The following OGG1 variants were observed in gnomAD, a reference collection of about 807,000 sequenced individuals.
The protein encoded by OGG1 is N-glycosylase/DNA lyase.
A neutral mutation model predicts 42.3 loss-of-function variants in OGG1; 35 were observed. The observed-to-expected ratio is 0.83, with a 90% CI of 0.63 to 1.10. The LOEUF (loss-of-function observed/expected upper bound fraction) is 1.10, where lower values mean the gene tolerates loss of function less well. Among genes scored for constraint, OGG1 ranks in the 50% least tolerant of loss-of-function variants. The pLI is 0.00. For synonymous variants in OGG1, 189 were observed against 179.0 expected (o/e 1.06, Z -0.44); for missense variants, 484 against 446.7 (o/e 1.08, Z -0.75).
chr3:9,766,542 A>G (rs964599424), exon 8 of OGG1: 34 of 543,470 alleles, frequency 6.3e-5, no homozygotes, highest in South Asian at 2.4e-4. Context: ...TACTAAATCA[A>G]TCTGCAGTTT....
intron 7 of OGG1, chr3:9,765,609 C>A: frequency 1.1e-6 from 1 of 925,704 alleles, no homozygotes; most frequent in Non-Finnish European, 1.6e-6. Flanking sequence ...TCCCCACAAC[C>A]CTGCCAAGTG....
chr3:9,790,283 T>G (rs1193503858), downstream of OGG1, among the ~76,000 whole-genome samples: 1 of 152,254 alleles, frequency 6.6e-6, no homozygotes, highest in Non-Finnish European at 1.5e-5. Flanking sequence ...ATGTCACCAC[T>G]ACTGAGATGC....
Position 9,757,252 on chromosome 3 carries a change from C to G in OGG1, c.*102C>G. 2 of 1,614,086 alleles carry G rather than the reference C, an allele frequency of 1.2e-6. No individual in the cohort carries two copies. The highest frequency in any genetic ancestry group is 1.1e-5 in the South Asian group (1 of 91,068). ...AGTCTCATGTTGGGGAGGGGCCTCC[C>G]TGTGACTACCTCAAAGGCCAGGCAC... On this transcript the variant is annotated 3_prime_UTR_variant, in exon 7 of 7. Coordinates refer to ENST00000344629, the MANE Select transcript of OGG1 (RefSeq NM_002542.6). The surrounding 1 kb of genome is among the most constrained non-coding windows in gnomAD (Gnocchi z 4.5).
rs1408585874 is a variant in OGG1 at position 9,757,233 on chromosome 3, A to C, written c.*83A>C. The C allele has an allele frequency of 8.7e-6, 14 of 1,613,858 alleles. No homozygotes were observed. The highest frequency in any genetic ancestry group is 1.1e-5 in the Non-Finnish European group (13 of 1,179,882). ...TCTCTCCCCATCCCCACCCAGTCTC[A>C]TGTTGGGGAGGGGCCTCCCTGTGAC... On this transcript the variant is annotated 3_prime_UTR_variant, in exon 7 of 7. Coordinates refer to ENST00000344629, the MANE Select transcript of OGG1 (RefSeq NM_002542.6). The surrounding 1 kb of genome is among the most constrained non-coding windows in gnomAD (Gnocchi z 4.5).
intron 3 of OGG1, among the ~76,000 whole-genome samples, chr3:9,752,779 G>A (rs1011910128): frequency 2.0e-5 from 3 of 152,178 alleles, no homozygotes; most frequent in African/African-American, 7.2e-5. Flanking sequence ...GGCCGGGCGT[G>A]GTGGCTCACG....
At chr3:9,782,666 C>A (rs998261385) in intron 3 of OGG1, among the ~76,000 whole-genome samples, 1 of 152,056 alleles carries the variant, frequency 6.6e-6, no homozygotes, top group Non-Finnish European at 1.5e-5. Flanking sequence ...TAGTGCATGC[C>A]TGTAATCCCA....
exon 8 of OGG1, chr3:9,765,970 C>G: frequency 1.9e-6 from 3 of 1,614,210 alleles, no homozygotes; most frequent in Non-Finnish European, 2.5e-6. Context: ...CCTATGGGTT[C>G]TGTGACCACT....
intron 7 of OGG1, chr3:9,765,774 A>G (rs2125593286): frequency 6.2e-6 from 10 of 1,614,020 alleles, no homozygotes; most frequent in Middle Eastern, 1.7e-4. Context: ...CAGGACAGCA[A>G]TCTCATTCTC....
At chr3:9,776,386 T>G (rs1304783652) in intron 2 of OGG1, among the ~76,000 whole-genome samples, 1 of 142,266 alleles carries the variant, frequency 7.0e-6, no homozygotes, top group African/African-American at 2.6e-5. Flanking sequence ...CTTTTTTCTT[T>G]TCTTTTTTTT....
Position 9,782,452 on chromosome 3 carries a change from C to T in OGG1, c.382+852C>T, listed in dbSNP as rs531317416. 9.2e-5 allele frequency among the ~76,000 whole-genome samples: 14 copies of T among 152,322 alleles called. No homozygotes were observed. The South Asian group carries it at 2.9e-3, about 32-fold the overall frequency. On this transcript the variant is annotated intron_variant, in intron 3 of 3. Transcript: ENST00000426518. ...GAGAGTGTACATAAAGCCCCTGACA[C>T]ACAGTAGGCCCTCAGCATACATTAG...
At chr3:9,789,440 G>A, downstream of OGG1, 4 of 1,426,298 alleles carry the variant, frequency 2.8e-6, no homozygotes, top group Non-Finnish European at 3.9e-6. Flanking sequence ...GGCTTTGGTA[G>A]CTTTACTTCT....
intron 3 of OGG1, among the ~76,000 whole-genome samples, chr3:9,785,942 G>GT (rs555853526): frequency 0.18 from 25,991 of 143,856 alleles, 2,546 homozygotes; most frequent in African/African-American, 0.25. Context: ...GTTTTGTTTT[G>GT]TTTTTTTTTT....
intron 2 of OGG1, among the ~76,000 whole-genome samples, chr3:9,773,715 C>T (rs1381043625): frequency 1.3e-5 from 2 of 150,108 alleles, no homozygotes; most frequent in Non-Finnish European, 3.0e-5. Flanking sequence ...TTTTTTGAGA[C>T]AGGGCCTCAC....
chr3:9,757,731 C>T, downstream of OGG1: 1 of 1,614,180 alleles, frequency 6.2e-7, no homozygotes, highest in Non-Finnish European at 8.5e-7. The surrounding 1 kb of genome is among the most constrained non-coding windows in gnomAD (Gnocchi z 4.5). Context: ...CTCCTCACCC[C>T]CAGCCACTGG....
At chr3:9,787,142 C>T in intron 3 of OGG1, 1 of 1,614,148 alleles carries the variant, frequency 6.2e-7, no homozygotes, top group African/African-American at 1.3e-5. Flanking sequence ...GGGAGGTGGG[C>T]TGAAGTTCTG....
downstream of OGG1, chr3:9,759,195 G>C (rs141273944): frequency 6.2e-6 from 10 of 1,613,324 alleles, no homozygotes; most frequent in Admixed American, 1.7e-4. Flanking sequence ...AGCTCTGTCA[G>C]GTCATCACCA....
chr3:9,758,922 GCCTGGC>G (rs2077715915), downstream of OGG1: 1 of 429,262 alleles, frequency 2.3e-6, no homozygotes, highest in Non-Finnish European at 4.4e-6. Flanking sequence ...GAGCCACCAT[GCCTGGC>G]CCTGAGAGCC....
chr3:9,766,849 A>C (rs184641798), downstream of OGG1: 246 of 166,684 alleles, frequency 1.5e-3, 2 homozygotes, highest in African/African-American at 5.9e-3. Flanking sequence ...AGCTGTGGCC[A>C]GAGTGACTAT....
chr3:9,786,230 C>T (rs2078606947), intron 3 of OGG1, among the ~76,000 whole-genome samples: 2 of 152,148 alleles, frequency 1.3e-5, no homozygotes, highest in Admixed American at 6.5e-5. Context: ...TGAGCCACCG[C>T]GCCCGGCCTC....
Sources: gnomAD v4.1 joint callset for allele counts (sites outside exome capture counted in the v4.1 genomes callset) on GRCh38, gnomAD v4.1.1 for gene constraint, Gnocchi (gnomAD v3.1) non-coding constraint, MANE v1.5 for transcripts, NCBI Gene and HGNC (gene_info 2026-07-23, HGNC 2026-07-21) for gene names.